The following FAM89A variants were observed in gnomAD, a reference collection of about 807,000 sequenced individuals.
FAM89A encodes the protein family with sequence similarity 89 member A, also known as protein FAM89A.
Under a neutral mutation model 7.1 loss-of-function variants are expected in FAM89A, and 10 were observed. The ratio of observed to expected loss-of-function variants is 1.40; its 90% CI spans 0.86 to 2.38. The LOEUF (loss-of-function observed/expected upper bound fraction) is 2.38, where lower values mean the gene tolerates loss of function less well. Ranked by LOEUF, FAM89A falls within the 30% of genes most tolerant of loss-of-function variation. The pLI, the probability that FAM89A is intolerant of heterozygous loss-of-function variation, is 0.00. For missense variants in FAM89A, 276 were observed against 262.8 expected (o/e 1.05, Z -0.35); for synonymous variants, 157 against 129.3 (o/e 1.21, Z -1.45).
At chr1:231,039,139 T>G (rs1680207410) in intron 1 of FAM89A, among the ~76,000 whole-genome samples, 1 of 152,260 alleles carries the variant, frequency 6.6e-6, no homozygotes, top group Non-Finnish European at 1.5e-5. Context: ...ACTTTTAGCG[T>G]CACCCTAAAT....
At chr1:231,025,009 GC>G (rs1298701002) in intron 1 of FAM89A, among the ~76,000 whole-genome samples, 1 of 136,886 alleles carries the variant, frequency 7.3e-6, no homozygotes, top group African/African-American at 2.8e-5. Flanking sequence ...TGCAAGCTCT[GC>G]CTCCTGGGTT....
At chr1:231,024,159 C>T (rs762890222) in intron 1 of FAM89A, among the ~76,000 whole-genome samples, 20 of 151,462 alleles carry the variant, frequency 1.3e-4, no homozygotes, top group Non-Finnish European at 2.5e-4. Context: ...CTTTGGACTC[C>T]TCTGCTAGTG....
intron 1 of FAM89A, among the ~76,000 whole-genome samples, chr1:231,021,425 C>T (rs1427868033): frequency 6.6e-6 from 1 of 152,190 alleles, no homozygotes; most frequent in East Asian, 1.9e-4. Flanking sequence ...GCGCCGGTGG[C>T]AGCGCCTGCA....
chr1:231,023,108 G>A (rs183484025), intron 1 of FAM89A, among the ~76,000 whole-genome samples: 1 of 151,272 alleles, frequency 6.6e-6, no homozygotes, highest in African/African-American at 2.4e-5. Flanking sequence ...GGTGGTGGCA[G>A]TAATTGTGGC....
intron 1 of FAM89A, among the ~76,000 whole-genome samples, chr1:231,027,784 C>A (rs949710879): frequency 6.6e-6 from 1 of 152,228 alleles, no homozygotes; most frequent in African/African-American, 2.4e-5. Flanking sequence ...CCCTCATCCC[C>A]ACTGCATCTG....
rs1215829589 is a variant in FAM89A at position 231,040,083 on chromosome 1, C to T, written c.129G>A (p.Ala43=). 1.4e-6 allele frequency: 2 copies of T among 1,442,360 alleles called. No individual in the cohort carries two copies. The highest frequency in any genetic ancestry group is 1.5e-5 in the African/African-American group (1 of 68,106). 89.3% of individuals were successfully genotyped at this position (1,442,360 alleles called of 1,614,324 possible). A position where few individuals can be genotyped will look rare whatever the true frequency, so the allele number is the denominator to read the frequency against. ...GCTCCAGGTGCCGCCAGCCCCCAGA[C>T]GCGCCGCCGCCCGACGCCGAGTGCA... ...GLLHSASGGG[A]SGGWRHLERL... Residue 43 remains alanine (A), a synonymous_variant, in exon 1 of 2, where the codon GCG becomes GCA. Transcript: ENST00000366654.
intron 1 of FAM89A, among the ~76,000 whole-genome samples, chr1:231,039,151 A>G (rs371144865): frequency 1.1e-4 from 17 of 152,250 alleles, no homozygotes; most frequent in East Asian, 7.7e-4. Context: ...ACCCTAAATC[A>G]TGTGTGTTCT....
chr1:231,022,604 G>C (rs1213673832), intron 1 of FAM89A, among the ~76,000 whole-genome samples: 1 of 152,184 alleles, frequency 6.6e-6, no homozygotes, highest in Middle Eastern at 3.2e-3. Context: ...GGTTCACCCA[G>C]CTCGAGGATC....
At chr1:231,026,070 C>CT (rs1679963907) in intron 1 of FAM89A, 1 of 103,168 alleles carries the variant, frequency 9.7e-6, no homozygotes, top group African/African-American at 2.9e-5. Flanking sequence ...TGCTCAGCTC[C>CT]TAAAAAAAAA....
At chr1:231,034,634 T>C (rs541006575) in intron 1 of FAM89A, among the ~76,000 whole-genome samples, 1 of 152,082 alleles carries the variant, frequency 6.6e-6, no homozygotes, top group East Asian at 1.9e-4. Context: ...GAGCCGGGCA[T>C]GGTGGCGCAT....
At chr1:231,020,474 T>C (rs1250590203) in intron 1 of FAM89A, among the ~76,000 whole-genome samples, 1 of 152,154 alleles carries the variant, frequency 6.6e-6, no homozygotes, top group Non-Finnish European at 1.5e-5. Context: ...GAAACGAGTG[T>C]GTCACTTCCT....
At chr1:231,035,822 G>C (rs1407459933) in intron 1 of FAM89A, among the ~76,000 whole-genome samples, 9 of 152,192 alleles carry the variant, frequency 5.9e-5, no homozygotes, top group African/African-American at 2.2e-4. Flanking sequence ...TTTACCCCTT[G>C]CTCCATTTTT....
Position 231,040,023 on chromosome 1 carries a change from C to A in FAM89A, c.189G>T (p.Glu63Asp). ...CGCCGCCCGGGCCCCCGCGGCTCAGCTCGTCCTGGATGCGCGACTTCTGCG... is the reference window on the plus strand; with the variant it reads ...CGCCGCCCGGGCCCCCGCGGCTCAGATCGTCCTGGATGCGCGACTTCTGCG... ...LYAQKSRIQDELSRGGPGGGG... is the reference protein window; with the variant it reads ...LYAQKSRIQDDLSRGGPGGGG... The change falls in exon 1 of 2, where the codon GAG (glutamate) becomes GAT (aspartate). Residue 63 changes from glutamate to aspartate, a missense_variant. Physicochemically the swap from Glu to Asp is conservative, Grantham distance 45. Coordinates refer to ENST00000366654, the MANE Select transcript of FAM89A (RefSeq NM_198552.3). 6.9e-7 allele frequency: 1 copy of A among 1,441,500 alleles called. No homozygotes were observed. The highest frequency in any genetic ancestry group is 9.1e-7 in the Non-Finnish European group (1 of 1,099,890). The allele number at this position is 1,441,500 out of a possible 1,614,324, so 89.3% of individuals were successfully genotyped here.
intron 1 of FAM89A, among the ~76,000 whole-genome samples, chr1:231,020,880 C>T (rs780121690): frequency 3.3e-5 from 5 of 152,204 alleles, no homozygotes; most frequent in Non-Finnish European, 7.3e-5. Context: ...CCCTCCCCCA[C>T]CACCCATCCC....
chr1:231,021,992 G>A (rs1002553127), intron 1 of FAM89A: 1 of 1,329,082 alleles, frequency 7.5e-7, no homozygotes, highest in African/African-American at 1.4e-5. Flanking sequence ...CAGGCCCTCG[G>A]GTACTGTCGG....
chr1:231,037,744 C>T (rs1406799510), intron 1 of FAM89A, among the ~76,000 whole-genome samples: 1 of 152,118 alleles, frequency 6.6e-6, no homozygotes, highest in East Asian at 1.9e-4. Flanking sequence ...GTTCCAGCTC[C>T]GCAGCTACCT....
At chr1:231,030,440 T>C (rs1019232975) in intron 1 of FAM89A, among the ~76,000 whole-genome samples, 1 of 152,234 alleles carries the variant, frequency 6.6e-6, no homozygotes, top group South Asian at 2.1e-4. Context: ...TGTTCTGCAA[T>C]TTAACAATTC....
chr1:231,031,728 C>T (rs1040315727), intron 1 of FAM89A, among the ~76,000 whole-genome samples: 1 of 152,118 alleles, frequency 6.6e-6, no homozygotes. Context: ...CTACTGTTAC[C>T]ACATACACAA....
At position 231,024,915 on chromosome 1, in the gene FAM89A, T is replaced by TTA. The variant is rs1679938643; in HGVS notation, c.292-4790_292-4789insTA. On this transcript the variant is annotated intron_variant, in intron 1 of 1. Coordinates refer to ENST00000366654, the MANE Select transcript of FAM89A (RefSeq NM_198552.3). ...GGTTCTGTTGCTACCACAACTACTCTTTTTTTTTTTTTTTTTTTTTTTTTT... is the reference window on the plus strand; with the variant it reads ...GGTTCTGTTGCTACCACAACTACTCTTATTTTTTTTTTTTTTTTTTTTTTTTT... Among the ~76,000 whole-genome samples, 7 of 48,374 alleles carry TTA rather than the reference T, an allele frequency of 1.4e-4. No homozygotes were observed. The South Asian group carries it at 8.2e-3, about 57-fold the overall frequency. 31.7% of individuals were successfully genotyped at this position (48,374 alleles called of 152,430 possible). A position where few individuals can be genotyped will look rare whatever the true frequency, so the allele number is the denominator to read the frequency against.
Sources: allele counts gnomAD v4.1 joint callset (sites outside exome capture counted in the v4.1 genomes callset), GRCh38; gene constraint gnomAD v4.1.1; transcripts MANE v1.5; gene names NCBI Gene and HGNC (gene_info 2026-07-23, HGNC 2026-07-21).